THRAP3: variants seen among roughly 807,000 people sequenced by gnomAD.
THRAP3 encodes the protein thyroid hormone receptor-associated protein 3.
Under a neutral mutation model 101.0 loss-of-function variants are expected in THRAP3, and 16 were observed. The ratio of observed to expected loss-of-function variants is 0.16; its 90% confidence interval spans 0.11 to 0.24. The LOEUF (loss-of-function observed/expected upper bound fraction) is 0.24, where lower values mean the gene tolerates loss of function less well. Ranked by LOEUF, THRAP3 falls within the 10% of genes least tolerant of loss-of-function variation. THRAP3 has a pLI of 1.00. For missense variants in THRAP3, 989 were observed against 1,202.7 expected (o/e 0.82, Z 2.63); for synonymous variants, 407 against 422.6 (o/e 0.96, Z 0.45).
At chr1:36,276,523 CAAAAA>C (rs35609256) in intron 2 of THRAP3, among the ~76,000 whole-genome samples, 4 of 112,762 alleles carry the variant, frequency 3.5e-5, no homozygotes, top group Non-Finnish European at 5.4e-5. Context: ...GACTCTGTCT[CAAAAA>C]AAAAAAAAAA....
At chr1:36,223,917 C>A (rs951732546), upstream of THRAP3, among the ~76,000 whole-genome samples, 4 of 152,138 alleles carry the variant, frequency 2.6e-5, no homozygotes, top group Non-Finnish European at 4.4e-5. Context: ...CTTACTTTGT[C>A]GGAGCCTGGC....
chr1:36,276,920 A>G (rs915017598), intron 2 of THRAP3, among the ~76,000 whole-genome samples: 5 of 152,188 alleles, frequency 3.3e-5, no homozygotes, highest in Non-Finnish European at 5.9e-5. Flanking sequence ...AATACTTGCA[A>G]GTCATACATC....
At chr1:36,270,279 A>T (rs1054867988) in intron 2 of THRAP3, among the ~76,000 whole-genome samples, 5 of 152,052 alleles carry the variant, frequency 3.3e-5, no homozygotes, top group Non-Finnish European at 5.9e-5. Context: ...AGTCCCAGCT[A>T]CTCAGGAGGC....
intron 1 of THRAP3, among the ~76,000 whole-genome samples, chr1:36,233,296 A>G (rs946365760): frequency 4.6e-5 from 7 of 151,550 alleles, no homozygotes; most frequent in African/African-American, 1.7e-4. Context: ...TCACGAGGTC[A>G]GGAGATCAAG....
At chr1:36,277,332 G>A (rs1645673765) in intron 2 of THRAP3, among the ~76,000 whole-genome samples, 1 of 150,470 alleles carries the variant, frequency 6.6e-6, no homozygotes, top group African/African-American at 2.5e-5. Flanking sequence ...CTGGAGTGCA[G>A]TGGTGTACAG....
chr1:36,303,393 C>T (rs1242576450), intron 11 of THRAP3, among the ~76,000 whole-genome samples: 2 of 152,066 alleles, frequency 1.3e-5, no homozygotes, highest in Non-Finnish European at 2.9e-5. Flanking sequence ...CTTAAAGTTC[C>T]TAAGCTTTAA....
intron 1 of THRAP3, among the ~76,000 whole-genome samples, chr1:36,257,945 A>T (rs567252638): frequency 6.6e-6 from 1 of 152,256 alleles, no homozygotes; most frequent in East Asian, 1.9e-4. Context: ...AGTTCAAGGG[A>T]TTCTCCTGCC....
intron 1 of THRAP3, among the ~76,000 whole-genome samples, chr1:36,252,005 T>C (rs1008569986): frequency 6.6e-6 from 1 of 152,238 alleles, no homozygotes; most frequent in African/African-American, 2.4e-5. Flanking sequence ...GGATGACTAA[T>C]TACTGACTTT....
At chr1:36,239,324 A>C (rs1452928756) in intron 1 of THRAP3, among the ~76,000 whole-genome samples, 1 of 136,430 alleles carries the variant, frequency 7.3e-6, no homozygotes, top group East Asian at 2.2e-4. Flanking sequence ...CAGTGGCTCG[A>C]TGTCAGCTTA....
At chr1:36,240,699 A>G in intron 1 of THRAP3, among the ~76,000 whole-genome samples, 1 of 152,144 alleles carries the variant, frequency 6.6e-6, no homozygotes, top group Middle Eastern at 3.2e-3. Context: ...TTTGGTATAA[A>G]TATAGGTATC....
At chr1:36,249,685 A>AGTGTGTGTGTGTGTGTGTGTGTGT (rs66759336) in intron 1 of THRAP3, among the ~76,000 whole-genome samples, 1 of 138,114 alleles carries the variant, frequency 7.2e-6, no homozygotes, top group Non-Finnish European at 1.6e-5. Flanking sequence ...GCAGGTGGTG[A>AGTGTGTGTGTGTGTGTGTGTGTGT]GTGTGTGTGT....
intron 1 of THRAP3, among the ~76,000 whole-genome samples, chr1:36,240,059 G>C (rs1297409110): frequency 6.6e-6 from 1 of 152,166 alleles, no homozygotes; most frequent in Non-Finnish European, 1.5e-5. Flanking sequence ...TAACACATAA[G>C]AACAGCTTGT....
chr1:36,289,800 G>C, intron 5 of THRAP3, 36 bp downstream of exon 5: 1 of 1,548,760 alleles, frequency 6.5e-7, no homozygotes, highest in Non-Finnish European at 8.7e-7. Context: ...CAGTGCTTTA[G>C]TGGCCTAAGT....
intron 4 of THRAP3, chr1:36,288,661 T>A: frequency 1.0e-6 from 1 of 985,488 alleles, no homozygotes; most frequent in Non-Finnish European, 1.2e-6. Context: ...AGGTTGAACA[T>A]TCTATGTTAA....
chr1:36,262,454 C>T (rs1221570545), intron 2 of THRAP3, among the ~76,000 whole-genome samples: 1 of 152,186 alleles, frequency 6.6e-6, no homozygotes, highest in Non-Finnish European at 1.5e-5. Flanking sequence ...TTTTCCTCCT[C>T]TAAACCTCCA....
Position 36,253,760 on chromosome 1 carries a change from A to ATTTTTTTTTTTTTTTTTTTTTT in THRAP3, c.-134-5603_-134-5602insTTTTTTTTTTTTTTTTTTTTTT, listed in dbSNP as rs58306701. ...AGGCGTACACCATTGAGTCAGGCTA[A>ATTTTTTTTTTTTTTTTTTTTTT]TTTTTTTTTTTTTTTTTTTAGTTTT... On this transcript the variant is annotated intron_variant, in intron 1 of 11. Coordinates refer to ENST00000354618, the MANE Select transcript of THRAP3 (RefSeq NM_005119.4). Among the ~76,000 whole-genome samples, 144 of 100,170 alleles carry ATTTTTTTTTTTTTTTTTTTTTT rather than the reference A, an allele frequency of 1.4e-3. 3 individuals carry two copies. Among genetic ancestry groups the ATTTTTTTTTTTTTTTTTTTTTT allele is most frequent in the Middle Eastern group, 6.7e-3 (1 of 150 alleles). 65.7% of individuals were successfully genotyped at this position (100,170 alleles called of 152,430 possible).
chr1:36,281,313 C>G (rs886187170), intron 2 of THRAP3, among the ~76,000 whole-genome samples: 1 of 152,234 alleles, frequency 6.6e-6, no homozygotes, highest in African/African-American at 2.4e-5. Flanking sequence ...TCTCTTGGAA[C>G]TAGGAAACCT....
At chr1:36,234,181 C>T (rs1645060211) in intron 1 of THRAP3, among the ~76,000 whole-genome samples, 1 of 152,142 alleles carries the variant, frequency 6.6e-6, no homozygotes, top group Non-Finnish European at 1.5e-5. Flanking sequence ...TCTCGAACTC[C>T]TTCCTCAGCT....
intron 10 of THRAP3, 50 bp downstream of exon 10, chr1:36,301,134 C>A (rs781501417): frequency 1.3e-6 from 2 of 1,565,408 alleles, no homozygotes; most frequent in East Asian, 2.3e-5. Flanking sequence ...CTCCTACCAG[C>A]TTTGATCACG....
Sources: gnomAD v4.1 joint callset for allele counts (sites outside exome capture counted in the v4.1 genomes callset) on GRCh38, gnomAD v4.1.1 for gene constraint, MANE v1.5 for transcripts, NCBI Gene and HGNC (gene_info 2026-07-23, HGNC 2026-07-21) for gene names.